The following MFHAS1 variants were observed in gnomAD, a reference collection of about 807,000 sequenced individuals.
MFHAS1 encodes the protein malignant fibrous histiocytoma-amplified sequence 1.
Under a neutral mutation model 70.4 loss-of-function variants are expected in MFHAS1, and 50 were observed. The observed-to-expected ratio is 0.71, with a 90% CI of 0.57 to 0.90. The LOEUF (loss-of-function observed/expected upper bound fraction) is 0.90. Among genes scored for constraint, MFHAS1 ranks in the 40% least tolerant of loss-of-function variants. MFHAS1 has a pLI of 0.00. For synonymous variants in MFHAS1, 952 were observed against 620.0 expected (o/e 1.54, Z -7.96); for missense variants, 1,795 against 1,347.6 (o/e 1.33, Z -5.20).
At chr8:8,814,297 ATACT>A (rs1408171546) in intron 1 of MFHAS1, among the ~76,000 whole-genome samples, 2 of 152,176 alleles carry the variant, frequency 1.3e-5, no homozygotes, top group African/African-American at 4.8e-5. Context: ...AGATGCACAA[ATACT>A]TACCATCGTT....
intron 1 of MFHAS1, among the ~76,000 whole-genome samples, chr8:8,862,808 G>T (rs535472935): frequency 6.6e-6 from 1 of 152,196 alleles, no homozygotes; most frequent in South Asian, 2.1e-4. Context: ...GGAGGAGGCT[G>T]CGCATGTGTG....
At chr8:8,878,426 G>A (rs1311554174) in intron 1 of MFHAS1, among the ~76,000 whole-genome samples, 4 of 152,124 alleles carry the variant, frequency 2.6e-5, no homozygotes, top group African/African-American at 9.7e-5. Context: ...ACCCCTAGGA[G>A]GCACTTAGCA....
intron 2 of MFHAS1, among the ~76,000 whole-genome samples, chr8:8,795,220 G>A (rs1283775349): frequency 6.6e-6 from 1 of 152,006 alleles, no homozygotes; most frequent in Non-Finnish European, 1.5e-5. Flanking sequence ...AAAAGAGACA[G>A]AAGAAAAAGA....
intron 1 of MFHAS1, among the ~76,000 whole-genome samples, chr8:8,880,918 C>T (rs1299418640): frequency 1.3e-5 from 2 of 152,072 alleles, no homozygotes; most frequent in Admixed American, 1.3e-4. Context: ...CTCCTGACCT[C>T]AAGTGATCCA....
At chr8:8,852,039 G>C (rs1808265515) in intron 1 of MFHAS1, among the ~76,000 whole-genome samples, 1 of 152,184 alleles carries the variant, frequency 6.6e-6, no homozygotes, top group South Asian at 2.1e-4. Context: ...TAGGGAGTGG[G>C]TGGTGGAATG....
chr8:8,815,113 G>A (rs561009518), intron 1 of MFHAS1, among the ~76,000 whole-genome samples: 25 of 152,166 alleles, frequency 1.6e-4, no homozygotes, highest in Middle Eastern at 3.4e-3. Context: ...GACAACATGC[G>A]GTGTTTGGTT....
At position 8,892,818 on chromosome 8, in the gene MFHAS1, C is replaced by T; in HGVS notation, c.241G>A (p.Gly81Arg). The change falls in exon 1 of 3, where the codon GGG becomes AGG. Residue 81 changes from glycine to arginine, a missense_variant. By Grantham distance (125) the Gly-to-Arg change is moderately radical. Coordinates refer to ENST00000276282, the MANE Select transcript of MFHAS1 (RefSeq NM_004225.3). This position sits in a 1 kb window ranked among gnomAD's most constrained non-coding sequence, Gnocchi z 4.7. ...AGGCTGCCCAGCGCCGACCCCAGCCCCTCGGGTACCTCCTCCAGGCCGTTG... is the reference window on the plus strand; with the variant it reads ...AGGCTGCCCAGCGCCGACCCCAGCCTCTCGGGTACCTCCTCCAGGCCGTTG... ...GNNGLEEVPE[G>R]LGSALGSLRV... 1 of 1,591,580 alleles carries T rather than the reference C, an allele frequency of 6.3e-7. No individual in the cohort carries two copies.
intron 1 of MFHAS1, among the ~76,000 whole-genome samples, chr8:8,849,386 G>T (rs972072351): frequency 2.6e-5 from 4 of 152,074 alleles, no homozygotes; most frequent in African/African-American, 7.2e-5. Context: ...CAGCCTTGTA[G>T]CAAGTAATTC....
chr8:8,866,638 C>G (rs1808868750), intron 1 of MFHAS1, among the ~76,000 whole-genome samples: 1 of 152,176 alleles, frequency 6.6e-6, no homozygotes. Flanking sequence ...ACTCTTATCC[C>G]TAGTAAAAAG....
chr8:8,786,802 T>G (rs978612034), intron 2 of MFHAS1, among the ~76,000 whole-genome samples: 2 of 151,926 alleles, frequency 1.3e-5, no homozygotes, highest in Non-Finnish European at 2.9e-5. Context: ...CATCTCTCAT[T>G]AGGAGAGACG....
intron 1 of MFHAS1, among the ~76,000 whole-genome samples, chr8:8,805,052 T>C (rs549429382): frequency 2.0e-5 from 3 of 152,326 alleles, no homozygotes; most frequent in Admixed American, 6.5e-5. Flanking sequence ...CAAGGGCCCC[T>C]TGAGGGATCA....
rs144618235 is a variant in MFHAS1, at chr8:8,854,289, T to C, written c.2998+35772A>G. 2.7e-4 allele frequency among the ~76,000 whole-genome samples: 41 copies of C among 151,876 alleles called. 1 individual carries two copies. The highest frequency in any genetic ancestry group is 9.4e-4 in the African/African-American group (39 of 41,412). On this transcript the variant is annotated intron_variant, in intron 1 of 2. Coordinates refer to ENST00000276282, the MANE Select transcript of MFHAS1 (RefSeq NM_004225.3). ...GGCTCACGCCTGTAATCCCAGCACT[T>C]TGGGAGGTCAAGAAGAGGTCAGGAG...
rs752733842 is a variant in MFHAS1 at position 8,852,470 on chromosome 8, AACAC to A, written c.2998+37587_2998+37590del. On this transcript the variant is annotated intron_variant, in intron 1 of 2. Transcript: ENST00000276282. Reference sequence around the variant, plus strand: ...AGCAACAAAGCGAGACCCTCTCTCAAACACACACACACACACACACACATACACA... The same window carrying A: ...AGCAACAAAGCGAGACCCTCTCTCAAACACACACACACACACACATACACA... Among the ~76,000 whole-genome samples the A allele has an allele frequency of 4.9e-4, 62 of 127,766 alleles. No homozygotes were observed. The Middle Eastern group carries it at 0.011, about 23-fold the overall frequency. 83.8% of individuals were successfully genotyped at this position (127,766 alleles called of 152,430 possible).
chr8:8,849,504 T>C (rs1007853317), intron 1 of MFHAS1, among the ~76,000 whole-genome samples: 5 of 152,254 alleles, frequency 3.3e-5, no homozygotes, highest in Admixed American at 6.5e-5. Context: ...CACGTGTGTG[T>C]ATTCTGTGTC....
At chr8:8,787,254 G>A (rs532914325) in intron 2 of MFHAS1, among the ~76,000 whole-genome samples, 19 of 152,086 alleles carry the variant, frequency 1.2e-4, no homozygotes, top group African/African-American at 4.6e-4. Context: ...CTAATTTTTT[G>A]CATTTTTAGT....
chr8:8,879,895 C>A (rs1484318831), intron 1 of MFHAS1, among the ~76,000 whole-genome samples: 3 of 152,206 alleles, frequency 2.0e-5, no homozygotes, highest in East Asian at 3.8e-4. Context: ...ACCATCACCA[C>A]CCGCTGCCAC....
At chr8:8,870,589 G>A (rs910085516) in intron 1 of MFHAS1, among the ~76,000 whole-genome samples, 11 of 152,178 alleles carry the variant, frequency 7.2e-5, no homozygotes, top group African/African-American at 2.4e-4. Context: ...TGGTTTTACA[G>A]AAAGTCCCTA....
At chr8:8,881,444 G>C (rs536306157) in intron 1 of MFHAS1, among the ~76,000 whole-genome samples, 1 of 152,260 alleles carries the variant, frequency 6.6e-6, no homozygotes, top group South Asian at 2.1e-4. Flanking sequence ...GGTGTAACCT[G>C]TACACACTTT....
At chr8:8,795,196 G>T (rs1585018581) in intron 2 of MFHAS1, among the ~76,000 whole-genome samples, 1 of 151,950 alleles carries the variant, frequency 6.6e-6, no homozygotes, top group South Asian at 2.1e-4. Context: ...TTAAGAACTT[G>T]CGGGGTATTA....
Sources: allele counts gnomAD v4.1 joint callset (sites outside exome capture counted in the v4.1 genomes callset), GRCh38; gene constraint gnomAD v4.1.1; non-coding constraint Gnocchi (gnomAD v3.1); transcripts MANE v1.5; gene names NCBI Gene and HGNC (gene_info 2026-07-23, HGNC 2026-07-21).